The following ANKRD11 variants were observed in gnomAD, a reference collection of about 807,000 sequenced individuals.
ANKRD11 encodes ankyrin repeat domain-containing protein 11.
Under a neutral mutation model 195.7 loss-of-function variants are expected in ANKRD11, and 17 were observed. That is an observed-to-expected ratio of 0.09 (90% CI 0.06 to 0.13). ANKRD11 has a LOEUF of 0.13. ANKRD11 is among the 10% of genes least tolerant of loss of function. The pLI, the probability that ANKRD11 is intolerant of heterozygous loss-of-function variation, is 1.00. For synonymous variants in ANKRD11, 1,953 were observed against 1,528.1 expected, an observed-to-expected ratio of 1.28 and a Z score of -6.49; for missense variants, 3,735 against 3,566.1, an observed-to-expected ratio of 1.05 and a Z score of -1.21.
At position 89,285,265 on chromosome 16, in the gene ANKRD11, A is replaced by T; in HGVS notation, c.1277T>A (p.Leu426Gln). 1.9e-6 allele frequency: 3 copies of T among 1,613,698 alleles called. No homozygotes were observed. Among genetic ancestry groups the T allele is most frequent in the Non-Finnish European group, 1.7e-6 (2 of 1,180,002 alleles). ...ASVTVGTGEK[L>Q]RLSAHTILPG... ...CAATATCGTATGTGCCGAGAGTCTC[A>T]GCTTCTCTCCTGTCCCCACGGTGAC... Residue 426 changes from leucine to glutamine, a missense_variant, in exon 9 of 13, where the codon CTG becomes CAG. By Grantham distance (113) the Leu-to-Gln change is moderately radical (BLOSUM62 -2). Coordinates refer to ENST00000301030, the MANE Select transcript of ANKRD11 (RefSeq NM_013275.6). The surrounding 1 kb of genome is among the most constrained non-coding windows in gnomAD (Gnocchi z 5.6).
intron 12 of ANKRD11, 76 bp downstream of exon 12, chr16:89,270,741 G>A (rs868546118): frequency 6.9e-7 from 1 of 1,445,326 alleles, no homozygotes; most frequent in South Asian, 1.2e-5. Flanking sequence ...GCAGCGCAAA[G>A]GGGGTTGTCA....
intron 2 of ANKRD11, among the ~76,000 whole-genome samples, chr16:89,349,135 A>T (rs1372362758): frequency 2.9e-5 from 1 of 34,626 alleles, no homozygotes; most frequent in Non-Finnish European, 5.4e-5. Context: ...CTCAAAAAGT[A>T]AAAAAAAAAA....
At chr16:89,268,907 C>A (rs1347328709) in intron 12 of ANKRD11, among the ~76,000 whole-genome samples, 2 of 152,252 alleles carry the variant, frequency 1.3e-5, no homozygotes, top group African/African-American at 2.4e-5. Context: ...CTGGGGCTCA[C>A]CCTGGCCCGG....
At chr16:89,338,726 CAA>C (rs34799616) in intron 2 of ANKRD11, among the ~76,000 whole-genome samples, 3 of 43,810 alleles carry the variant, frequency 6.8e-5, no homozygotes, top group South Asian at 1.4e-3. Flanking sequence ...CACTCAGTCT[CAA>C]AAAAAAAAAA....
chr16:89,427,699 T>A (rs1224793258), intron 1 of ANKRD11, among the ~76,000 whole-genome samples: 1 of 151,748 alleles, frequency 6.6e-6, no homozygotes, highest in African/African-American at 2.4e-5. Flanking sequence ...CTTGGGAGGC[T>A]GAGGCAGGAG....
chr16:89,333,788 T>A (rs1428560977), intron 2 of ANKRD11, among the ~76,000 whole-genome samples: 1 of 152,084 alleles, frequency 6.6e-6, no homozygotes, highest in African/African-American at 2.4e-5. Context: ...AGCCATTTTG[T>A]GAAAGTGAAA....
intron 1 of ANKRD11, among the ~76,000 whole-genome samples, chr16:89,424,297 C>A (rs1380353625): frequency 6.6e-6 from 1 of 152,028 alleles, no homozygotes. Flanking sequence ...CAAAATTAGC[C>A]AGGCGTGGTG....
intron 1 of ANKRD11, among the ~76,000 whole-genome samples, chr16:89,451,411 CTTT>C (rs66712285): frequency 2.3e-5 from 3 of 130,170 alleles, no homozygotes; most frequent in Admixed American, 8.2e-5. Context: ...TCACAAATTA[CTTT>C]TTTTTTTTTT....
chr16:89,414,404 C>T (rs575204949), intron 2 of ANKRD11, among the ~76,000 whole-genome samples: 1 of 152,308 alleles, frequency 6.6e-6, no homozygotes, highest in Admixed American at 6.5e-5. Context: ...GAACCGCGTG[C>T]TGGGGTCATC....
Position 89,388,652 on chromosome 16 carries a change from G to C in ANKRD11, c.-60+29632C>G, listed in dbSNP as rs1241351600. 3.9e-5 allele frequency among the ~76,000 whole-genome samples: 6 copies of C among 152,278 alleles called. No homozygotes were observed. In the East Asian group the frequency reaches 1.2e-3, roughly 29 times the overall value. Reference sequence around the variant, plus strand: ...GGCTGAAGGAGGCTGCATAGAGCAGGAGCCCTGCGATGAGCCGGGGACCCC... The same window carrying C: ...GGCTGAAGGAGGCTGCATAGAGCAGCAGCCCTGCGATGAGCCGGGGACCCC... On this transcript the variant is annotated intron_variant, in intron 2 of 12. Coordinates refer to ENST00000301030, the MANE Select transcript of ANKRD11 (RefSeq NM_013275.6).
At position 89,286,293 on chromosome 16, in the gene ANKRD11, G is replaced by A. The variant is rs769984566; in HGVS notation, c.745-107C>T. On this transcript the variant is annotated intron_variant, in intron 7 of 12. Transcript: ENST00000301030. ...CCGAGAACCCTGGGGTTCGACCCGAGAGCAGCCCCTCACGGTCTGAGGGTG... is the reference window on the plus strand; with the variant it reads ...CCGAGAACCCTGGGGTTCGACCCGAAAGCAGCCCCTCACGGTCTGAGGGTG... 302 of 1,492,814 alleles carry A rather than the reference G, an allele frequency of 2.0e-4. 1 individual carries two copies. Among genetic ancestry groups the A allele is most frequent in the Non-Finnish European group, 2.7e-4 (296 of 1,087,012 alleles). 92.5% of individuals were successfully genotyped at this position (1,492,814 alleles called of 1,614,324 possible). A position where few individuals can be genotyped will look rare whatever the true frequency, so the allele number is the denominator to read the frequency against.
intron 3 of ANKRD11, among the ~76,000 whole-genome samples, chr16:89,308,443 G>T (rs1315586359): frequency 1.3e-5 from 2 of 152,210 alleles, no homozygotes; most frequent in Admixed American, 1.3e-4. Flanking sequence ...AGGCAAGACT[G>T]CCTACAGGCA....
In ANKRD11 at chr16:89,281,027, G is replaced by C. The variant is rs781598850; in HGVS notation, c.5515C>G (p.Pro1839Ala). 1.9e-6 allele frequency: 3 copies of C among 1,596,104 alleles called. No individual in the cohort carries two copies. Among genetic ancestry groups the C allele is most frequent in the Non-Finnish European group, 2.6e-6 (3 of 1,169,494 alleles). ...MEDRAPLPPV[P>A]AEKFACLSPG... ...GACAAGCAGGCAAACTTCTCCGCGGGAACCGGGGGCAGGGGCGCCCTGTCT... is the reference window on the plus strand; with the variant it reads ...GACAAGCAGGCAAACTTCTCCGCGGCAACCGGGGGCAGGGGCGCCCTGTCT... Residue 1839 changes from proline (P) to alanine (A), a missense_variant, in exon 9 of 13, where the codon CCC becomes GCC. Pro to Ala is a conservative substitution (Grantham distance 27). Transcript: ENST00000301030. This position sits in a 1 kb window ranked among gnomAD's most constrained non-coding sequence, Gnocchi z 5.5.
rs1283963801 is a variant in ANKRD11, at chr16:89,267,759, G to GTA, written c.*717_*718dup. 6.6e-6 allele frequency: 1 copy of GTA among 152,314 alleles called. No individual in the cohort carries two copies. Among genetic ancestry groups the GTA allele is most frequent in the African/African-American group, 2.4e-5 (1 of 41,492 alleles). The allele number at this position is 152,314 out of a possible 1,614,324, so 9.4% of individuals were successfully genotyped here. ...AAGGCAGCAAAAGTACATTGTGAAG[G>GTA]TATATAAAACTGTACAGCGTTTACG... On this transcript the variant is annotated 3_prime_UTR_variant, in exon 13 of 13. Coordinates refer to ENST00000301030, the MANE Select transcript of ANKRD11 (RefSeq NM_013275.6).
At chr16:89,310,012 G>T (rs148187486) in intron 3 of ANKRD11, among the ~76,000 whole-genome samples, 2,116 of 152,262 alleles carry the variant, frequency 0.014, 47 homozygotes, top group African/African-American at 0.049. Context: ...TCCACTCATG[G>T]GAAGCACACA....
intron 2 of ANKRD11, among the ~76,000 whole-genome samples, chr16:89,416,117 A>C (rs959907225): frequency 2.0e-5 from 3 of 152,136 alleles, no homozygotes; most frequent in African/African-American, 7.2e-5. Context: ...AACACCTTAG[A>C]TTATTACTGT....
chr16:89,388,727 GGTCC>G (rs991597927), intron 2 of ANKRD11, among the ~76,000 whole-genome samples: 2 of 152,188 alleles, frequency 1.3e-5, no homozygotes, highest in Non-Finnish European at 2.9e-5. Context: ...AGAGCCGGCA[GGTCC>G]CGGGCTCACA....
chr16:89,405,992 C>G (rs1597307102), intron 2 of ANKRD11, among the ~76,000 whole-genome samples: 1 of 151,856 alleles, frequency 6.6e-6, no homozygotes, highest in African/African-American at 2.4e-5. Context: ...CACCTGCAAT[C>G]TCGGCTACTC....
chr16:89,469,852 C>G (rs1303559099), intron 1 of ANKRD11, among the ~76,000 whole-genome samples: 8 of 146,246 alleles, frequency 5.5e-5, no homozygotes, highest in Non-Finnish European at 1.0e-4. Context: ...GAGCCAAGAT[C>G]GCGCCCGGAG....
Sources: allele counts gnomAD v4.1 joint callset (sites outside exome capture counted in the v4.1 genomes callset), GRCh38; gene constraint gnomAD v4.1.1; non-coding constraint Gnocchi (gnomAD v3.1); transcripts MANE v1.5; gene names NCBI Gene and HGNC (gene_info 2026-07-23, HGNC 2026-07-21).